The following TRRAP variants were observed in gnomAD, a reference collection of about 807,000 sequenced individuals.
TRRAP encodes transformation/transcription domain-associated protein.
In TRRAP, 41 loss-of-function variants were observed where a neutral mutation model predicts 438.8. The ratio of observed to expected loss-of-function variants is 0.09; its 90% CI spans 0.07 to 0.12. The LOEUF is 0.12. TRRAP is among the 10% of genes least tolerant of loss of function. The probability of loss-of-function intolerance (pLI) is 1.00; values close to 1 mark genes in which losing one functional copy is unlikely to be tolerated. For missense variants in TRRAP, 3,122 were observed against 5,055.1 expected (o/e 0.62, Z 11.60); for synonymous variants, 1,994 against 1,962.9 (o/e 1.02, Z -0.42).
At chr7:98,984,643 T>C (rs536427241) in intron 61 of TRRAP, among the ~76,000 whole-genome samples, 7 of 152,304 alleles carry the variant, frequency 4.6e-5, no homozygotes, top group Admixed American at 1.3e-4. Flanking sequence ...GGATCTAAGA[T>C]AGATTTTGAC....
At chr7:98,935,208 C>T (rs1457741721) in intron 27 of TRRAP, among the ~76,000 whole-genome samples, 1 of 152,002 alleles carries the variant, frequency 6.6e-6, no homozygotes, top group East Asian at 1.9e-4. Context: ...TTGTCTGAGG[C>T]CCTGGGGAGG....
In TRRAP at chr7:98,893,793, T is replaced by C. The variant is rs1796079097; in HGVS notation, c.367-5T>C. Reference sequence around the variant, plus strand: ...GTATAACTTTCATTAAATGCTTTTTTTTAGACGGAAAATGAAGAAAATGTT... The same window carrying C: ...GTATAACTTTCATTAAATGCTTTTTCTTAGACGGAAAATGAAGAAAATGTT... On this transcript the variant is annotated splice_polypyrimidine_tract_variant and splice_region_variant and intron_variant, in intron 5 of 72. Transcript: ENST00000456197. The C allele has an allele frequency of 6.2e-7, 1 of 1,612,426 alleles. No individual in the cohort carries two copies. Among genetic ancestry groups the C allele is most frequent in the Non-Finnish European group, 8.5e-7 (1 of 1,179,292 alleles).
At chr7:99,004,004 C>T (rs530884338) in intron 67 of TRRAP, among the ~76,000 whole-genome samples, 186 bp from the exon 68 acceptor site, 3 of 152,240 alleles carry the variant, frequency 2.0e-5, no homozygotes, top group South Asian at 2.1e-4. Flanking sequence ...ACCCGGGAGG[C>T]GGACGTTGCA....
Position 99,012,411 on chromosome 7 carries a change from A to G in TRRAP, c.*56A>G. ...AGGGCGCTCCGGGCTCTGAGCCCGC[A>G]GCTTTTACGACTTCTCCCTGCCTCG... On this transcript the variant is annotated 3_prime_UTR_variant, in exon 73 of 73. Coordinates refer to ENST00000456197, the MANE Select transcript of TRRAP (RefSeq NM_001375524.1). The surrounding 1 kb of genome is among the most constrained non-coding windows in gnomAD (Gnocchi z 5.9). 6.6e-7 allele frequency: 1 copy of G among 1,507,062 alleles called. No individual in the cohort carries two copies. Among genetic ancestry groups the G allele is most frequent in the Non-Finnish European group, 8.9e-7 (1 of 1,121,902 alleles). 93.4% of individuals were successfully genotyped at this position (1,507,062 alleles called of 1,614,324 possible).
rs1428339388 is a variant in TRRAP at position 98,961,488 on chromosome 7, C to T, written c.6703+14C>T. On this transcript the variant is annotated intron_variant, in intron 46 of 72. Transcript: ENST00000456197. Reference sequence around the variant, plus strand: ...CAACAGAGCCGAGTATGTGACCTTTCCCACCGGTGCTTTTCTTTCAAAGTG... The same window carrying T: ...CAACAGAGCCGAGTATGTGACCTTTTCCACCGGTGCTTTTCTTTCAAAGTG... 2 of 1,610,912 alleles carry T rather than the reference C, an allele frequency of 1.2e-6. No homozygotes were observed. Among genetic ancestry groups the T allele is most frequent in the Non-Finnish European group, 1.7e-6 (2 of 1,177,430 alleles).
At chr7:98,979,392 C>A (rs536911606) in intron 58 of TRRAP, among the ~76,000 whole-genome samples, 1 of 152,282 alleles carries the variant, frequency 6.6e-6, no homozygotes, top group African/African-American at 2.4e-5. Flanking sequence ...ACTTACAGTA[C>A]CTAATACAGT....
At chr7:98,950,816 C>G (rs1363748410) in intron 38 of TRRAP, 60 bp from the exon 39 acceptor site, 11 of 1,464,494 alleles carry the variant, frequency 7.5e-6, no homozygotes, top group Non-Finnish European at 9.9e-6. Context: ...TTCTTCCCGT[C>G]TTAAGAAACA....
intron 39 of TRRAP, among the ~76,000 whole-genome samples, chr7:98,952,284 G>A (rs1171239823): frequency 6.6e-6 from 1 of 152,142 alleles, no homozygotes; most frequent in Admixed American, 6.5e-5. Context: ...TCTGTCAGAT[G>A]CTTTCAAAAC....
At chr7:98,978,111 A>T (rs1792751604) in intron 56 of TRRAP, 100 bp from the exon 57 acceptor site, 1 of 1,061,052 alleles carries the variant, frequency 9.4e-7, no homozygotes. Flanking sequence ...ACATAGCAAA[A>T]CCTCATCTCA....
At chr7:98,942,420 T>C (rs1306046224) in intron 30 of TRRAP, among the ~76,000 whole-genome samples, 8 of 152,262 alleles carry the variant, frequency 5.3e-5, no homozygotes, top group Admixed American at 5.2e-4. Flanking sequence ...TCCTGCCTTC[T>C]CTAGTCCCAT....
rs1158967941 is a variant in TRRAP, at chr7:99,005,584, G to A, written c.10753+236G>A. ...TGTGTCCACCTTTCCTCTAAGGCGAGCTTGTCCAACCTGCGGGCTCCATGG... is the reference window on the plus strand; with the variant it reads ...TGTGTCCACCTTTCCTCTAAGGCGAACTTGTCCAACCTGCGGGCTCCATGG... On this transcript the variant is annotated intron_variant, in intron 69 of 72. Coordinates refer to ENST00000456197, the MANE Select transcript of TRRAP (RefSeq NM_001375524.1). The surrounding 1 kb of genome is among the most constrained non-coding windows in gnomAD (Gnocchi z 5.1). Among the ~76,000 whole-genome samples the A allele has an allele frequency of 3.3e-5, 5 of 152,256 alleles. No individual in the cohort carries two copies. The highest frequency in any genetic ancestry group is 4.8e-5 in the African/African-American group (2 of 41,476).
At chr7:98,896,392 A>T (rs1554405732) in intron 7 of TRRAP, among the ~76,000 whole-genome samples, 1 of 152,008 alleles carries the variant, frequency 6.6e-6, no homozygotes, top group African/African-American at 2.4e-5. Context: ...TTCTTCTGGG[A>T]ATCATAATTC....
intron 44 of TRRAP, among the ~76,000 whole-genome samples, chr7:98,958,558 C>T (rs1791734835): frequency 6.6e-6 from 1 of 152,108 alleles, no homozygotes; most frequent in Non-Finnish European, 1.5e-5. Flanking sequence ...CCTTGGCCTC[C>T]CAAAGTGCTG....
In TRRAP at chr7:98,921,740, C is replaced by T. The variant is rs374369166; in HGVS notation, c.2623-13C>T. On this transcript the variant is annotated splice_polypyrimidine_tract_variant and intron_variant, in intron 20 of 72. Transcript: ENST00000456197. ...CCTTAAGAGGACCTTAATGAAAGCA[C>T]GCTGATTTTCAGGCTCTGTGGCGCA... 1.2e-5 allele frequency: 19 copies of T among 1,613,692 alleles called. No individual in the cohort carries two copies. Among genetic ancestry groups the T allele is most frequent in the African/African-American group, 9.3e-5 (7 of 74,926 alleles).
intron 1 of TRRAP, among the ~76,000 whole-genome samples, chr7:98,879,846 GCTGCAAAGCAGTGTATCCGGTAGGC>G (rs1208272600): frequency 6.6e-6 from 1 of 152,184 alleles, no homozygotes; most frequent in East Asian, 1.9e-4. Flanking sequence ...ACCTGTGTCA[GCTGCAAAGCAGTGTATCCGGTAGGC>G]CTGCAAAGGA....
In TRRAP at chr7:98,933,261, C is replaced by G. The variant is rs376448847; in HGVS notation, c.3873C>G (p.Pro1291=). The G allele has an allele frequency of 3.1e-6, 5 of 1,613,512 alleles. No individual in the cohort carries two copies. Among genetic ancestry groups the G allele is most frequent in the Non-Finnish European group, 4.2e-6 (5 of 1,179,808 alleles). Residue 1291 remains proline, a synonymous_variant, in exon 27 of 73, where the codon CCC becomes CCG. Coordinates refer to ENST00000456197, the MANE Select transcript of TRRAP (RefSeq NM_001375524.1). ...CCCAGGTCCTGCAGGATATGGTCCC[C>G]CCTAAGAAGCACCTGCTCCGACACC... ...PHKEVLQDMV[P]PKKHLLRHQP...
intron 40 of TRRAP, 28 bp downstream of exon 40, chr7:98,953,461 G>A (rs782270695): frequency 6.3e-6 from 10 of 1,599,464 alleles, no homozygotes; most frequent in Middle Eastern, 1.7e-4. Context: ...CCTGTCCGCC[G>A]ACATCAGCGT....
intron 20 of TRRAP, among the ~76,000 whole-genome samples, chr7:98,921,021 T>G (rs1789766751): frequency 2.0e-5 from 3 of 152,016 alleles, no homozygotes; most frequent in Non-Finnish European, 4.4e-5. Context: ...GTGTTTTTAG[T>G]AGATGGGGTT....
chr7:98,942,842 T>C, intron 30 of TRRAP, 107 bp from the exon 31 acceptor site: 1 of 1,168,622 alleles, frequency 8.6e-7, no homozygotes, highest in Non-Finnish European at 1.3e-6. Context: ...ATGGAAACAC[T>C]GCAGTTCTCA....
Sources: allele counts gnomAD v4.1 joint callset (sites outside exome capture counted in the v4.1 genomes callset), GRCh38; gene constraint gnomAD v4.1.1; non-coding constraint Gnocchi (gnomAD v3.1); transcripts MANE v1.5; gene names NCBI Gene and HGNC (gene_info 2026-07-23, HGNC 2026-07-21).